FAM171A1: variants seen among roughly 807,000 people sequenced by gnomAD.
The protein encoded by FAM171A1 is family with sequence similarity 171 member A1.
FAM171A1 carries 23 observed loss-of-function variants against 74.9 expected under a neutral mutation model. The observed-to-expected ratio is 0.31, with a 90% confidence interval of 0.22 to 0.44. FAM171A1 has a LOEUF of 0.44. Ranked by LOEUF, FAM171A1 falls within the 20% of genes least tolerant of loss-of-function variation. The pLI is 1.00. For missense variants in FAM171A1, 1,162 were observed against 1,159.2 expected (o/e 1.00, Z -0.03); for synonymous variants, 527 against 505.7 (o/e 1.04, Z -0.57).
At chr10:15,287,261 T>C (rs1835048022) in intron 1 of FAM171A1, among the ~76,000 whole-genome samples, 2 of 151,000 alleles carry the variant, frequency 1.3e-5, no homozygotes, top group African/African-American at 4.9e-5. Context: ...CCGGCTAATT[T>C]TTTGTATTTT....
chr10:15,304,403 C>A (rs963200102), intron 1 of FAM171A1, among the ~76,000 whole-genome samples: 2 of 152,090 alleles, frequency 1.3e-5, no homozygotes, highest in African/African-American at 2.4e-5. Context: ...CAGCCACATC[C>A]CCTAGGGGCT....
intron 3 of FAM171A1, among the ~76,000 whole-genome samples, chr10:15,263,252 G>A (rs1319021315): frequency 6.6e-6 from 1 of 152,180 alleles, no homozygotes; most frequent in Admixed American, 6.5e-5. Flanking sequence ...GGGAGCCAGA[G>A]CTGCAGGCTG....
chr10:15,240,779 G>A lies in FAM171A1; in HGVS notation c.754+7860C>T, dbSNP rs140050402. ...TGAGGCAGGGTGGTGGCTCACAGTC[G>A]TTGTAATCCCAGTGACTTGGGAGGC... On this transcript the variant is annotated intron_variant, in intron 5 of 7. Transcript: ENST00000378116. 61 of 978,278 alleles carry A rather than the reference G, an allele frequency of 6.2e-5. No individual in the cohort carries two copies. In the East Asian group the frequency reaches 6.8e-4, roughly 11 times the overall value. The allele number at this position is 978,278 out of a possible 1,614,324, so 60.6% of individuals were successfully genotyped here.
intron 1 of FAM171A1, among the ~76,000 whole-genome samples, chr10:15,342,452 C>T (rs1835775562): frequency 6.6e-6 from 1 of 152,148 alleles, no homozygotes; most frequent in African/African-American, 2.4e-5. Context: ...CCTGTAGTCT[C>T]AGCTACTTGG....
chr10:15,359,448 T>C (rs964314888), intron 1 of FAM171A1, among the ~76,000 whole-genome samples: 3 of 152,088 alleles, frequency 2.0e-5, no homozygotes, highest in South Asian at 2.1e-4. Context: ...CAGCAGTCTT[T>C]TTCCTCCTTC....
chr10:15,268,143 C>A (rs990596849), intron 3 of FAM171A1, among the ~76,000 whole-genome samples: 1 of 152,184 alleles, frequency 6.6e-6, no homozygotes, highest in Admixed American at 6.5e-5. Context: ...TGGACAACCA[C>A]AGAAGCCACC....
rs987498164 is a variant in FAM171A1 at position 15,214,337 on chromosome 10, G to C, written c.1251C>G (p.Leu417=). 1.9e-6 allele frequency: 3 copies of C among 1,612,806 alleles called. No homozygotes were observed. The highest frequency in any genetic ancestry group is 8.5e-7 in the Non-Finnish European group (1 of 1,179,432). ...EGDLHTPMLK[L]SYSTSQEFSS... is the part of the protein sequence containing the mutation. Reference sequence around the variant, plus strand: ...TAAATTCCTGGGAGGTGCTGTAGGAGAGCTTGAGCATGGGGGTGTGCAGGT... The same window carrying C: ...TAAATTCCTGGGAGGTGCTGTAGGACAGCTTGAGCATGGGGGTGTGCAGGT... The change falls in exon 8 of 8, where the codon CTC becomes CTG. Residue 417 remains leucine, a synonymous_variant. Transcript: ENST00000378116.
Position 15,212,772 on chromosome 10 carries a change from A to T in FAM171A1, c.*143T>A. ...ACTTTAATTCCTTTCTAACATTTAC[A>T]CGGCAAACAGGAATGCAGTAAACGT... On this transcript the variant is annotated 3_prime_UTR_variant, in exon 8 of 8. Coordinates refer to ENST00000378116, the MANE Select transcript of FAM171A1 (RefSeq NM_001010924.2). 1 of 1,086,264 alleles carries T rather than the reference A, an allele frequency of 9.2e-7. No individual in the cohort carries two copies. Among genetic ancestry groups the T allele is most frequent in the Non-Finnish European group, 1.3e-6 (1 of 755,932 alleles). 67.3% of individuals were successfully genotyped at this position (1,086,264 alleles called of 1,614,324 possible).
At chr10:15,279,169 C>T (rs990655043) in intron 2 of FAM171A1, among the ~76,000 whole-genome samples, 13 of 152,188 alleles carry the variant, frequency 8.5e-5, no homozygotes, top group Admixed American at 1.3e-4. Context: ...GTGTGACCAT[C>T]GCAGTGTGTT....
chr10:15,318,676 C>G (rs1276695470), intron 1 of FAM171A1, among the ~76,000 whole-genome samples: 1 of 152,132 alleles, frequency 6.6e-6, no homozygotes, highest in Non-Finnish European at 1.5e-5. Flanking sequence ...TCTATTTCCT[C>G]CCTTTCAAGT....
At chr10:15,288,519 G>T (rs1835065269) in intron 1 of FAM171A1, among the ~76,000 whole-genome samples, 1 of 152,120 alleles carries the variant, frequency 6.6e-6, no homozygotes, top group Admixed American at 6.6e-5. Context: ...ATCCTGCATT[G>T]ATGATTTATG....
chr10:15,358,164 C>T (rs1047980270), intron 1 of FAM171A1, among the ~76,000 whole-genome samples: 4 of 151,648 alleles, frequency 2.6e-5, no homozygotes, highest in Non-Finnish European at 5.9e-5. Context: ...TGTGTAGAGA[C>T]GAGGTCTCCC....
intron 4 of FAM171A1, 34 bp from the exon 5 acceptor site, chr10:15,248,849 G>T: frequency 6.3e-7 from 1 of 1,581,902 alleles, no homozygotes; most frequent in Non-Finnish European, 8.6e-7. Flanking sequence ...TCATTTGCAT[G>T]CAAAGTACCC....
At chr10:15,369,366 A>G (rs1220461128) in intron 1 of FAM171A1, among the ~76,000 whole-genome samples, 1 of 152,148 alleles carries the variant, frequency 6.6e-6, no homozygotes, top group Admixed American at 6.5e-5. Context: ...TGCAAATATC[A>G]TTCTCTAAAA....
chr10:15,337,906 G>A (rs1043842315), intron 1 of FAM171A1, among the ~76,000 whole-genome samples: 3 of 152,174 alleles, frequency 2.0e-5, no homozygotes, highest in East Asian at 1.9e-4. Context: ...AGCCAAGATC[G>A]TGCCACTGTA....
At chr10:15,239,634 A>C (rs1834338791) in intron 5 of FAM171A1, among the ~76,000 whole-genome samples, 1 of 152,150 alleles carries the variant, frequency 6.6e-6, no homozygotes, top group African/African-American at 2.4e-5. Flanking sequence ...CCCCTCACAT[A>C]CATCTTGACA....
At chr10:15,323,566 C>T (rs1835514044) in intron 1 of FAM171A1, among the ~76,000 whole-genome samples, 1 of 152,146 alleles carries the variant, frequency 6.6e-6, no homozygotes, top group Non-Finnish European at 1.5e-5. Context: ...GCAGGCAGAT[C>T]TATTCAACAA....
At position 15,213,920 on chromosome 10, in the gene FAM171A1, C is replaced by G; in HGVS notation, c.1668G>C (p.Arg556=). The G allele has an allele frequency of 6.2e-7, 1 of 1,614,128 alleles. No homozygotes were observed. The highest frequency in any genetic ancestry group is 8.5e-7 in the Non-Finnish European group (1 of 1,180,028). ...DHLERPTSFP[R]PGQLICCSSV... is the part of the protein sequence containing the mutation. ...AACTGCAGCAGATTAACTGGCCGGG[C>G]CGTGGGAAGGACGTAGGTCTCTCGA... The change falls in exon 8 of 8, where the codon CGG becomes CGC. Residue 556 remains arginine (R), a synonymous_variant. Coordinates refer to ENST00000378116, the MANE Select transcript of FAM171A1 (RefSeq NM_001010924.2). The surrounding 1 kb of genome is among the most constrained non-coding windows in gnomAD (Gnocchi z 6.8).
At chr10:15,289,287 T>C (rs753070014) in intron 1 of FAM171A1, among the ~76,000 whole-genome samples, 10 of 152,140 alleles carry the variant, frequency 6.6e-5, no homozygotes, top group Admixed American at 2.6e-4. Flanking sequence ...CTCTCATTTA[T>C]AGGAAGACCC....
Sources: allele counts gnomAD v4.1 joint callset (sites outside exome capture counted in the v4.1 genomes callset), GRCh38; gene constraint gnomAD v4.1.1; non-coding constraint Gnocchi (gnomAD v3.1); transcripts MANE v1.5; gene names NCBI Gene and HGNC (gene_info 2026-07-23, HGNC 2026-07-21).